Variants in DNAH7 observed in about 807,000 individuals in gnomAD.
DNAH7 encodes dynein axonemal heavy chain 7.
Under a neutral mutation model 444.6 loss-of-function variants are expected in DNAH7, and 397 were observed. That is an observed-to-expected ratio of 0.89 (90% CI 0.82 to 0.97). DNAH7 has a LOEUF of 0.97. Among genes scored for constraint, DNAH7 ranks in the 50% least tolerant of loss-of-function variants. The pLI, the probability that DNAH7 is intolerant of heterozygous loss-of-function variation, is 0.00. For synonymous variants in DNAH7, 1,636 were observed against 1,624.4 expected (o/e 1.01, Z -0.17); for missense variants, 4,902 against 4,800.8 (o/e 1.02, Z -0.62).
rs369151793 is a variant in DNAH7 at position 195,817,425 on chromosome 2, C to T, written c.9425+271G>A. 7.2e-5 allele frequency among the ~76,000 whole-genome samples: 11 copies of T among 152,334 alleles called. No individual in the cohort carries two copies. The East Asian group carries it at 2.1e-3, about 29-fold the overall frequency. The stretch of plus-strand genomic sequence containing the variant: ...CACAGTGAATACCAAAACTCTTGTG[C>T]TAAAACTTTGTGGAATATTTGAAAA... On this transcript the variant is annotated intron_variant, in intron 50 of 64. Coordinates refer to ENST00000312428, the MANE Select transcript of DNAH7 (RefSeq NM_018897.3).
At chr2:195,941,449 G>GAAAA (rs1295766244) in intron 19 of DNAH7, among the ~76,000 whole-genome samples, 2 of 88,840 alleles carry the variant, frequency 2.3e-5, no homozygotes, top group Admixed American at 1.3e-4. Context: ...GAACCTAGAT[G>GAAAA]ACAAAAAAAA....
rs566838984 is a variant in DNAH7, at chr2:195,777,817, C to T, written c.11047G>A (p.Val3683Ile). ...ATACTTACATCACCAGAAGGAGGAA[C>T]AAAATAGATGCCACTTGAGTCGAAC... ...YKFDSSGIYF[V>I]PPSGDHKSYI... The change falls in exon 59 of 65, where the codon GTT becomes ATT. Residue 3683 changes from valine (V) to isoleucine (I), a missense_variant. Physicochemically the swap from Val to Ile is conservative, Grantham distance 29. Coordinates refer to ENST00000312428, the MANE Select transcript of DNAH7 (RefSeq NM_018897.3). 10 of 1,612,028 alleles carry T rather than the reference C, an allele frequency of 6.2e-6. No individual in the cohort carries two copies. In the African/African-American group the frequency reaches 1.2e-4, roughly 19 times the overall value.
intron 1 of DNAH7, among the ~76,000 whole-genome samples, chr2:196,064,316 A>AAAAT (rs201123021): frequency 0.019 from 964 of 50,160 alleles, 9 homozygotes; most frequent in African/African-American, 0.036. Context: ...ACTCCGTCTC[A>AAAAT]AAATAAATAA....
At chr2:195,744,474 C>G (rs1693256898) in intron 63 of DNAH7, among the ~76,000 whole-genome samples, 6 of 152,298 alleles carry the variant, frequency 3.9e-5, no homozygotes, top group Admixed American at 2.6e-4. Flanking sequence ...CTTAAATGTC[C>G]CTGTCTGACA....
intron 52 of DNAH7, 43 bp downstream of exon 52, chr2:195,809,702 C>CG (rs771128185): frequency 1.2e-5 from 17 of 1,455,568 alleles, no homozygotes; most frequent in Non-Finnish European, 1.5e-5. Flanking sequence ...AATGAATCAG[C>CG]GTTATTAAGG....
At chr2:195,910,316 T>G in intron 24 of DNAH7, 121 bp from the exon 25 acceptor site, 5 of 789,144 alleles carry the variant, frequency 6.3e-6, no homozygotes, top group South Asian at 2.2e-5. Context: ...TGATAATTTC[T>G]TCCTTCCCAG....
At chr2:195,764,207 A>C (rs141012290) in intron 61 of DNAH7, among the ~76,000 whole-genome samples, 129 of 152,090 alleles carry the variant, frequency 8.5e-4, no homozygotes, top group African/African-American at 3.0e-3. Context: ...TAAAAAAAAA[A>C]CTTTAAAAAC....
At chr2:195,847,036 G>T (rs1236499358) in intron 46 of DNAH7, among the ~76,000 whole-genome samples, 1 of 141,124 alleles carries the variant, frequency 7.1e-6, no homozygotes, top group Non-Finnish European at 1.5e-5. Flanking sequence ...CCCTCTAGTA[G>T]TTAATACTAC....
At chr2:195,870,561 C>A (rs1478085542) in intron 40 of DNAH7, among the ~76,000 whole-genome samples, 2 of 152,164 alleles carry the variant, frequency 1.3e-5, no homozygotes, top group Non-Finnish European at 2.9e-5. Flanking sequence ...GTTTATGTTC[C>A]CCCTAAATTT....
intron 47 of DNAH7, among the ~76,000 whole-genome samples, chr2:195,836,712 A>G (rs1698393261): frequency 2.6e-5 from 4 of 152,180 alleles, no homozygotes; most frequent in African/African-American, 9.7e-5. Context: ...AAATAAAAAT[A>G]TAAATATATA....
At chr2:195,839,846 T>C (rs1698577322) in intron 47 of DNAH7, among the ~76,000 whole-genome samples, 1 of 151,820 alleles carries the variant, frequency 6.6e-6, no homozygotes, top group Admixed American at 6.6e-5. Flanking sequence ...GACCTGTTAC[T>C]ATTTCAAAAA....
intron 43 of DNAH7, among the ~76,000 whole-genome samples, chr2:195,858,051 G>A (rs1043063440): frequency 6.6e-6 from 1 of 151,642 alleles, no homozygotes; most frequent in Non-Finnish European, 1.5e-5. Flanking sequence ...ATTATTTTAT[G>A]TATCCCCCCA....
In DNAH7 at chr2:195,787,118, T is replaced by C; in HGVS notation, c.10770A>G (p.Gln3590=). 1 of 1,611,378 alleles carries C rather than the reference T, an allele frequency of 6.2e-7. No homozygotes were observed. The highest frequency in any genetic ancestry group is 8.5e-7 in the Non-Finnish European group (1 of 1,179,316). The change falls in exon 58 of 65, where the codon CAA becomes CAG. Residue 3590 remains glutamine, a synonymous_variant. Transcript: ENST00000312428. The stretch of plus-strand genomic sequence containing the variant: ...CTAGGGGTCCAAATTTCCGTCTTTC[T>C]TGTACCAAAGCATGAAAGAAACACA... The part of the protein sequence containing the change: ...YGLCFFHALV[Q]ERRKFGPLGW...
At chr2:195,871,059 A>G (rs556185254) in intron 40 of DNAH7, among the ~76,000 whole-genome samples, 33 of 152,278 alleles carry the variant, frequency 2.2e-4, no homozygotes, top group Middle Eastern at 3.4e-3. Context: ...GTGGAGTGCT[A>G]TAAGAATCTC....
intron 14 of DNAH7, 42 bp downstream of exon 14, chr2:195,987,024 A>G: frequency 6.6e-7 from 1 of 1,522,448 alleles, no homozygotes; most frequent in Non-Finnish European, 8.8e-7. Flanking sequence ...TCTATTAAAC[A>G]TCCCCTCCCA....
At position 195,957,270 on chromosome 2, in the gene DNAH7, A is replaced by G; in HGVS notation, c.3069T>C (p.Ser1023=). 6.5e-7 allele frequency: 1 copy of G among 1,531,406 alleles called. No individual in the cohort carries two copies. Among genetic ancestry groups the G allele is most frequent in the Non-Finnish European group, 8.9e-7 (1 of 1,128,474 alleles). The allele number at this position is 1,531,406 out of a possible 1,614,324, so 94.9% of individuals were successfully genotyped here. Residue 1023 remains serine, a synonymous_variant, in exon 19 of 65, where the codon AGT becomes AGC. Coordinates refer to ENST00000312428, the MANE Select transcript of DNAH7 (RefSeq NM_018897.3). ...AGATTTTTTCACCTACCTGCATGAC[A>G]CTTCTCATTATATCTCTCCATGTCT... The part of the protein sequence containing the change: ...VDKTWRDIMR[S]VMQDKHVLTV...
In DNAH7 at chr2:195,740,870, C is replaced by A; in HGVS notation, c.11765-1G>T. The A allele has an allele frequency of 1.3e-6, 2 of 1,521,590 alleles. No homozygotes were observed. The highest frequency in any genetic ancestry group is 2.1e-5 in the Admixed American group (1 of 48,752). The allele number at this position is 1,521,590 out of a possible 1,614,324, so 94.3% of individuals were successfully genotyped here. ...AGAAATAATCCGTGAATGAAAACAC[C>A]TAAATATAAAAGAAACACATTAATA... is the stretch of plus-strand genomic sequence containing the variant. On this transcript the variant is annotated splice_acceptor_variant, in intron 63 of 64. Transcript: ENST00000312428. LOFTEE classifies it high-confidence loss of function.
At chr2:196,055,238 C>A (rs1467434086) in intron 2 of DNAH7, among the ~76,000 whole-genome samples, 3 of 151,964 alleles carry the variant, frequency 2.0e-5, no homozygotes, top group Non-Finnish European at 4.4e-5. Context: ...TGCCTGTGGT[C>A]CCAGCTACTG....
intron 19 of DNAH7, among the ~76,000 whole-genome samples, chr2:195,951,500 A>T (rs1267607158): frequency 6.6e-6 from 1 of 151,954 alleles, no homozygotes; most frequent in Non-Finnish European, 1.5e-5. Flanking sequence ...ATCCTTGTTA[A>T]TTTTCTGTCT....
Sources: gnomAD v4.1 joint callset for allele counts (sites outside exome capture counted in the v4.1 genomes callset) on GRCh38, gnomAD v4.1.1 for gene constraint, MANE v1.5 for transcripts, NCBI Gene and HGNC (gene_info 2026-07-23, HGNC 2026-07-21) for gene names.